The following BLNK variants were observed in gnomAD, a reference collection of about 807,000 sequenced individuals.
The protein encoded by BLNK is B cell linker.
In BLNK, 29 loss-of-function variants were observed where a neutral mutation model predicts 73.5. The ratio of observed to expected loss-of-function variants is 0.39; its 90% CI spans 0.29 to 0.54. The LOEUF is 0.54. BLNK is among the 20% of genes least tolerant of loss of function. The pLI is 0.61. For missense variants in BLNK, 460 were observed against 562.8 expected (o/e 0.82, Z 1.85); for synonymous variants, 176 against 200.8 (o/e 0.88, Z 1.04).
chr10:96,227,566 C>T lies in BLNK; in HGVS notation c.205G>A (p.Asp69Asn). Residue 69 changes from aspartate to asparagine, a missense_variant and splice_region_variant, in exon 5 of 17, where the codon GAC (aspartate) becomes AAC (asparagine). By Grantham distance (23) the Asp-to-Asn change is conservative. Transcript: ENST00000224337. ...TCATCTGGATTTTCATAGTCGCTGTCCTGCAAGTGCAGATGCAGACACTGT... is the reference window on the plus strand; with the variant it reads ...TCATCTGGATTTTCATAGTCGCTGTTCTGCAAGTGCAGATGCAGACACTGT... ...DEEEQWSDDF[D>N]SDYENPDEHS... 3.7e-6 allele frequency: 6 copies of T among 1,614,002 alleles called. No individual in the cohort carries two copies. Among genetic ancestry groups the T allele is most frequent in the Non-Finnish European group, 5.1e-6 (6 of 1,180,046 alleles).
At chr10:96,225,819 A>G (rs1329735114) in intron 5 of BLNK, among the ~76,000 whole-genome samples, 5 of 151,762 alleles carry the variant, frequency 3.3e-5, no homozygotes, top group Admixed American at 1.3e-4. Flanking sequence ...ATTTTTTTGT[A>G]TTTTTAATAG....
intron 5 of BLNK, among the ~76,000 whole-genome samples, chr10:96,226,509 A>C (rs1437306418): frequency 1.3e-5 from 2 of 152,184 alleles, no homozygotes; most frequent in African/African-American, 4.8e-5. Context: ...TGGGGAACTT[A>C]GTCACCTGCC....
At chr10:96,195,907 T>C (rs2083453697) in intron 16 of BLNK, among the ~76,000 whole-genome samples, 1 of 152,230 alleles carries the variant, frequency 6.6e-6, no homozygotes, top group Admixed American at 6.5e-5. Context: ...ACCAAATCAA[T>C]TCAGTTGCTT....
intron 6 of BLNK, among the ~76,000 whole-genome samples, chr10:96,220,733 A>G (rs1554900950): frequency 7.5e-6 from 1 of 133,188 alleles, no homozygotes; most frequent in Non-Finnish European, 1.7e-5. Context: ...ACCATGACCT[A>G]CAGGTATTAG....
intron 1 of BLNK, among the ~76,000 whole-genome samples, chr10:96,264,222 G>A (rs987102388): frequency 1.3e-5 from 2 of 152,204 alleles, no homozygotes; most frequent in African/African-American, 2.4e-5. Context: ...CCAAGTCTGT[G>A]AGATTTAAGG....
intron 2 of BLNK, among the ~76,000 whole-genome samples, chr10:96,244,906 C>G (rs1248265320): frequency 6.6e-6 from 1 of 151,756 alleles, no homozygotes; most frequent in Admixed American, 6.6e-5. Context: ...CAACTGGGGG[C>G]CATGGAATAG....
chr10:96,216,302 G>T (rs587668851), intron 7 of BLNK: 210 of 297,924 alleles, frequency 7.0e-4, no homozygotes, highest in African/African-American at 4.1e-3. Flanking sequence ...TGTTCTTGGT[G>T]CAATGTTTAC....
intron 2 of BLNK, among the ~76,000 whole-genome samples, chr10:96,244,126 T>C (rs1335122798): frequency 6.6e-6 from 1 of 152,168 alleles, no homozygotes; most frequent in Non-Finnish European, 1.5e-5. Flanking sequence ...TCTCATAGGC[T>C]CTCAATATCT....
intron 16 of BLNK, among the ~76,000 whole-genome samples, chr10:96,192,993 T>A (rs1213291746): frequency 6.6e-6 from 1 of 152,198 alleles, no homozygotes; most frequent in African/African-American, 2.4e-5. Flanking sequence ...TTTTAAGTGT[T>A]TATTAATTGT....
intron 1 of BLNK, among the ~76,000 whole-genome samples, chr10:96,254,147 A>T (rs1316629674): frequency 6.6e-6 from 1 of 152,212 alleles, no homozygotes; most frequent in Non-Finnish European, 1.5e-5. Context: ...CCTCCAGAGT[A>T]TCTTCCCCCA....
At chr10:96,262,011 C>T (rs1026183829) in intron 1 of BLNK, among the ~76,000 whole-genome samples, 1 of 152,172 alleles carries the variant, frequency 6.6e-6, no homozygotes, top group Non-Finnish European at 1.5e-5. Context: ...GTCATAGCCT[C>T]CCTCTGGGGA....
intron 6 of BLNK, among the ~76,000 whole-genome samples, chr10:96,221,020 C>G (rs2084185551): frequency 6.6e-6 from 1 of 152,260 alleles, no homozygotes; most frequent in Non-Finnish European, 1.5e-5. Context: ...CTCATTACCA[C>G]TCATATAAGC....
In BLNK at chr10:96,201,683, CAA is replaced by C. The variant is rs1255649394; in HGVS notation, c.935-627_935-626del. On this transcript the variant is annotated intron_variant, in intron 13 of 16. Coordinates refer to ENST00000224337, the MANE Select transcript of BLNK (RefSeq NM_013314.4). ...TGCTGACTTCAGGCATCAACTCCCT[CAA>C]AGAGTTTACAGTCTAAATGTGGAAA... Among the ~76,000 whole-genome samples the C allele has an allele frequency of 2.0e-5, 3 of 151,848 alleles. No homozygotes were observed. The East Asian group carries it at 5.8e-4, about 29-fold the overall frequency.
At position 96,204,563 on chromosome 10, in the gene BLNK, C is replaced by G; in HGVS notation, c.871G>C (p.Val291Leu). ...HRGSSHRQEA[V>L]QSPVFPPAQK... ...GCAGGAGGAAACACTGGTGACTGCA[C>G]AGCTTCTTGTCTGTGACTTGACCCT... Residue 291 changes from valine (V) to leucine (L), a missense_variant, in exon 12 of 17, where the codon GTG (valine) becomes CTG (leucine). Val to Leu is a conservative substitution (Grantham distance 32). Transcript: ENST00000224337. The G allele has an allele frequency of 1.2e-6, 2 of 1,614,072 alleles. No homozygotes were observed. The highest frequency in any genetic ancestry group is 3.3e-5 in the Admixed American group (2 of 60,016).
intron 1 of BLNK, among the ~76,000 whole-genome samples, chr10:96,265,119 CTTATTTAT>C (rs55872216): frequency 0.012 from 1,673 of 137,022 alleles, 14 homozygotes; most frequent in African/African-American, 0.025. Context: ...CCACACCAGA[CTTATTTAT>C]TTATTTATTT....
chr10:96,199,679 A>G (rs1424647514), intron 15 of BLNK: 12 of 376,088 alleles, frequency 3.2e-5, no homozygotes, highest in Non-Finnish European at 4.8e-5. Flanking sequence ...CATAAGGACG[A>G]CAACTGTGTC....
In BLNK at chr10:96,262,996, G is replaced by A. The variant is rs149530529; in HGVS notation, c.47+8356C>T. Among the ~76,000 whole-genome samples the A allele has an allele frequency of 2.5e-3, 376 of 152,242 alleles. 2 individuals are homozygous for A. The highest frequency in any genetic ancestry group is 8.1e-3 in the African/African-American group (338 of 41,556). On this transcript the variant is annotated intron_variant, in intron 1 of 16. Coordinates refer to ENST00000224337, the MANE Select transcript of BLNK (RefSeq NM_013314.4). ...ACCTTTCTCACCTGTGGAATAAAGG[G>A]GCTGGAGAGGTGTCCTTTCAGTCCT... is the stretch of plus-strand genomic sequence containing the variant.
At chr10:96,254,174 A>C (rs1436107057) in intron 1 of BLNK, among the ~76,000 whole-genome samples, 1 of 152,232 alleles carries the variant, frequency 6.6e-6, no homozygotes, top group Non-Finnish European at 1.5e-5. Flanking sequence ...ATAGCCTGGA[A>C]TAGCTTTAAC....
rs1378130384 is a variant in BLNK, at chr10:96,199,838, AC to A, written c.1095+236del. On this transcript the variant is annotated intron_variant, in intron 15 of 16. Coordinates refer to ENST00000224337, the MANE Select transcript of BLNK (RefSeq NM_013314.4). The stretch of plus-strand genomic sequence containing the variant: ...CAGGAGTTCGAGAGCAGCCTGGCCA[AC>A]ATGGTAAAACCCCGTCTCTACTAAA... The A allele has an allele frequency of 2.4e-5, 6 of 249,228 alleles. No homozygotes were observed. The Admixed American group carries it at 2.8e-4, about 12-fold the overall frequency. The allele number at this position is 249,228 out of a possible 1,614,324, so 15.4% of individuals were successfully genotyped here. A position where few individuals can be genotyped will look rare whatever the true frequency, so the allele number is the denominator to read the frequency against.
Sources: allele counts gnomAD v4.1 joint callset (sites outside exome capture counted in the v4.1 genomes callset), GRCh38; gene constraint gnomAD v4.1.1; transcripts MANE v1.5; gene names NCBI Gene and HGNC (gene_info 2026-07-23, HGNC 2026-07-21).